Variants in WDR17 observed in about 807,000 individuals in gnomAD.
WDR17 encodes the protein WD repeat domain 17.
WDR17 carries 143 observed loss-of-function variants against 161.7 expected under a neutral mutation model. That is an observed-to-expected ratio of 0.88 (90% CI 0.77 to 1.02). The LOEUF (loss-of-function observed/expected upper bound fraction) is 1.02. Ranked by LOEUF, WDR17 falls within the 50% of genes least tolerant of loss-of-function variation. The pLI is 0.00. For missense variants in WDR17, 1,469 were observed against 1,520.9 expected (o/e 0.97, Z 0.57); for synonymous variants, 517 against 515.6 (o/e 1.00, Z -0.04).
chr4:176,156,709 G>A (rs980282988), intron 18 of WDR17, among the ~76,000 whole-genome samples: 6 of 151,880 alleles, frequency 4.0e-5, no homozygotes, highest in African/African-American at 1.5e-4. Flanking sequence ...CATAAAATGG[G>A]TGGCCTAAAA....
chr4:176,097,697 A>G (rs1026855122), intron 1 of WDR17, among the ~76,000 whole-genome samples: 1 of 150,906 alleles, frequency 6.6e-6, no homozygotes, highest in Non-Finnish European at 1.5e-5. Flanking sequence ...TATGAGTTTA[A>G]TAGTAATACT....
chr4:176,166,702 A>G (rs186641878), intron 22 of WDR17, among the ~76,000 whole-genome samples: 36 of 152,266 alleles, frequency 2.4e-4, no homozygotes, highest in African/African-American at 7.7e-4. Flanking sequence ...GATAATTTCT[A>G]TATTTTCATG....
At chr4:176,166,123 G>T in intron 22 of WDR17, 3 of 1,074,352 alleles carry the variant, frequency 2.8e-6, no homozygotes, top group South Asian at 3.3e-5. Context: ...TTTTCCTTTA[G>T]CTTTCCATGT....
At chr4:176,142,641 GA>G (rs1745463811) in intron 11 of WDR17, among the ~76,000 whole-genome samples, 1 of 152,110 alleles carries the variant, frequency 6.6e-6, no homozygotes, top group South Asian at 2.1e-4. Context: ...GCATTTCCTA[GA>G]ATATTGTGTT....
At chr4:176,116,176 T>C (rs1740594700) in intron 3 of WDR17, among the ~76,000 whole-genome samples, 197 bp downstream of exon 3, 1 of 151,848 alleles carries the variant, frequency 6.6e-6, no homozygotes, top group South Asian at 2.1e-4. Context: ...TAATTATACG[T>C]AGAACATATG....
At chr4:176,090,256 T>TAAAA (rs202133700) in intron 1 of WDR17, among the ~76,000 whole-genome samples, 1 of 132,472 alleles carries the variant, frequency 7.5e-6, no homozygotes, top group African/African-American at 2.8e-5. Context: ...CTGGTTGTTT[T>TAAAA]AAAAAAAAAA....
At chr4:176,155,669 C>CAAGTAGCT (rs1006530556) in intron 17 of WDR17, among the ~76,000 whole-genome samples, 9 of 146,434 alleles carry the variant, frequency 6.1e-5, no homozygotes, top group African/African-American at 2.0e-4. Context: ...CTCAGCCTCC[C>CAAGTAGCT]AAGTAGCTAG....
intron 6 of WDR17, 22 bp downstream of exon 6, chr4:176,128,882 A>G (rs1561144352): frequency 2.0e-6 from 3 of 1,531,972 alleles, no homozygotes. Context: ...TGTTATCAAA[A>G]TTTTAATTTT....
chr4:176,113,171 AT>A (rs1369701060), intron 2 of WDR17, among the ~76,000 whole-genome samples: 2 of 151,888 alleles, frequency 1.3e-5, no homozygotes, highest in African/African-American at 2.4e-5. Context: ...TACACTCTTT[AT>A]ATACTCCCAA....
intron 8 of WDR17, among the ~76,000 whole-genome samples, chr4:176,136,416 C>G (rs187945213): frequency 8.9e-4 from 135 of 151,690 alleles, no homozygotes; most frequent in Non-Finnish European, 1.5e-3. Flanking sequence ...TTGTCTGAAA[C>G]ATAAAACATA....
chr4:176,100,781 C>G (rs73018035), intron 1 of WDR17, among the ~76,000 whole-genome samples: 4,574 of 151,864 alleles, frequency 0.03, 186 homozygotes, highest in African/African-American at 0.096. Flanking sequence ...AGCTATGGGT[C>G]TAGTTTTATT....
chr4:176,150,170 A>G lies in WDR17; in HGVS notation c.2175A>G (p.Leu725=), dbSNP rs897724924. 6.2e-7 allele frequency: 1 copy of G among 1,612,270 alleles called. No homozygotes were observed. Among genetic ancestry groups the G allele is most frequent in the Non-Finnish European group, 8.5e-7 (1 of 1,179,730 alleles). Residue 725 remains leucine, a synonymous_variant, in exon 15 of 29, where the codon TTA becomes TTG. Coordinates refer to ENST00000508596, the MANE Select transcript of WDR17 (RefSeq NM_181265.4). ...VKKLRWFSEC[L]SPPGGSDNLW... ...AACTAAGATGGTTCTCAGAATGTTT[A>G]TCTGTAAGTATTACAGGAATTAAAT...
chr4:176,102,756 T>A (rs1409022102), intron 1 of WDR17, among the ~76,000 whole-genome samples: 1 of 152,172 alleles, frequency 6.6e-6, no homozygotes, highest in Admixed American at 6.5e-5. Flanking sequence ...TCTGATGTAA[T>A]TATTTTGTAA....
intron 8 of WDR17, among the ~76,000 whole-genome samples, chr4:176,136,492 T>C (rs1283609417): frequency 3.3e-5 from 5 of 151,690 alleles, no homozygotes; most frequent in Admixed American, 6.6e-5. Flanking sequence ...ATCTGACTTA[T>C]AGCATTCTTT....
In WDR17 at chr4:176,128,681, G is replaced by C. The variant is rs1371686808; in HGVS notation, c.791-57G>C. 4 of 1,537,120 alleles carry C rather than the reference G, an allele frequency of 2.6e-6. No homozygotes were observed. The South Asian group carries it at 3.7e-5, about 14-fold the overall frequency. On this transcript the variant is annotated intron_variant, in intron 5 of 28. Coordinates refer to ENST00000508596, the MANE Select transcript of WDR17 (RefSeq NM_181265.4). ...AAATTTTGTTATACTTTTATGTCTA[G>C]GCATTTTAGTTTCATACAAAACTTG...
chr4:176,114,610 G>A (rs1220748501), intron 2 of WDR17, among the ~76,000 whole-genome samples: 2 of 151,858 alleles, frequency 1.3e-5, no homozygotes, highest in African/African-American at 4.8e-5. Context: ...GTCTTCTTGT[G>A]GAACTTATAT....
chr4:176,134,075 T>C (rs1374433314), intron 7 of WDR17, among the ~76,000 whole-genome samples: 1 of 151,798 alleles, frequency 6.6e-6, no homozygotes, highest in Non-Finnish European at 1.5e-5. Context: ...TTCAGCCAGG[T>C]GAACCAGTGG....
chr4:176,132,794 A>C (rs1346170734), intron 7 of WDR17, among the ~76,000 whole-genome samples: 1 of 151,826 alleles, frequency 6.6e-6, no homozygotes, highest in Non-Finnish European at 1.5e-5. Flanking sequence ...ATTTGTTTTC[A>C]AACAAATTTA....
chr4:176,173,252 G>A lies in WDR17; in HGVS notation c.3245-15G>A. 1 of 1,550,060 alleles carries A rather than the reference G, an allele frequency of 6.5e-7. No homozygotes were observed. Among genetic ancestry groups the A allele is most frequent in the Non-Finnish European group, 8.8e-7 (1 of 1,138,016 alleles). Reference sequence around the variant, plus strand: ...TGTTATTTAATGAATCTTCCATCTGGTTTAATTTTTCCAGAATACATCAGT... The same window carrying A: ...TGTTATTTAATGAATCTTCCATCTGATTTAATTTTTCCAGAATACATCAGT... On this transcript the variant is annotated splice_polypyrimidine_tract_variant and intron_variant, in intron 24 of 28. Coordinates refer to ENST00000508596, the MANE Select transcript of WDR17 (RefSeq NM_181265.4).
Sources: gnomAD v4.1 joint callset for allele counts (sites outside exome capture counted in the v4.1 genomes callset) on GRCh38, gnomAD v4.1.1 for gene constraint, MANE v1.5 for transcripts, NCBI Gene and HGNC (gene_info 2026-07-23, HGNC 2026-07-21) for gene names.